TPTE2: variants seen among roughly 807,000 people sequenced by gnomAD.
TPTE2 encodes transmembrane phosphoinositide 3-phosphatase and tensin homolog 2, also known as phosphatidylinositol 3,4,5-trisphosphate 3-phosphatase TPTE2.
A neutral mutation model predicts 78.6 loss-of-function variants in TPTE2; 53 were observed. The ratio of observed to expected loss-of-function variants is 0.67; its 90% CI spans 0.54 to 0.85. The LOEUF is 0.85. Ranked by LOEUF, TPTE2 falls within the 40% of genes least tolerant of loss-of-function variation. TPTE2 has a pLI of 0.00. For synonymous variants in TPTE2, 175 were observed against 206.2 expected (o/e 0.85, Z 1.30); for missense variants, 461 against 623.0 (o/e 0.74, Z 2.77).
At chr13:19,444,201 G>C (rs1478637591) in intron 13 of TPTE2, among the ~76,000 whole-genome samples, 1 of 150,808 alleles carries the variant, frequency 6.6e-6, no homozygotes, top group Non-Finnish European at 1.5e-5. Context: ...AGCTACTCAA[G>C]AGGCTGATAT....
At chr13:19,477,642 C>T (rs572216764) in intron 4 of TPTE2, among the ~76,000 whole-genome samples, 2 of 152,310 alleles carry the variant, frequency 1.3e-5, no homozygotes, top group East Asian at 3.9e-4. Context: ...TCTGAACTCA[C>T]TTGACAATGT....
At chr13:19,495,001 T>C (rs1250161076) in intron 1 of TPTE2, among the ~76,000 whole-genome samples, 3 of 152,234 alleles carry the variant, frequency 2.0e-5, no homozygotes, top group African/African-American at 7.2e-5. Flanking sequence ...AACATAGTGA[T>C]GCATCCAGAT....
At chr13:19,473,233 C>T (rs1224657773) in intron 6 of TPTE2, among the ~76,000 whole-genome samples, 2 of 152,326 alleles carry the variant, frequency 1.3e-5, no homozygotes, top group East Asian at 3.9e-4. Flanking sequence ...TTGCTGAAGG[C>T]CCTGGGGCTC....
chr13:19,535,365 TC>T lies in TPTE2; in HGVS notation c.-44+1230del, dbSNP rs549273277. On this transcript the variant is annotated intron_variant, in intron 1 of 17. Coordinates refer to the TPTE2 transcript ENST00000390680. The surrounding 1 kb of genome is among the most constrained non-coding windows in gnomAD (Gnocchi z 5.1). ...GAGGTATCATCATCTTCCAAAGCTA[TC>T]TACAAAAAGGGACAATGTCATCACT... Among the ~76,000 whole-genome samples the T allele has an allele frequency of 8.1e-4, 123 of 152,064 alleles. No individual in the cohort carries two copies. The highest frequency in any genetic ancestry group is 2.8e-3 in the African/African-American group (115 of 41,524).
intron 2 of TPTE2, among the ~76,000 whole-genome samples, chr13:19,493,178 T>A (rs1453308669): frequency 1.7e-4 from 2 of 11,792 alleles, no homozygotes; most frequent in Non-Finnish European, 5.2e-4. Flanking sequence ...GAAACTCTGT[T>A]ACAAAAAAAA....
rs1398248696 is a variant in TPTE2, at chr13:19,482,359, C to T, written c.179+129G>A. ...TCAACTGGAGTAAATACGGTGTACC[C>T]TCCCACCATACATTTTGATATCTTT... is the stretch of plus-strand genomic sequence containing the variant. On this transcript the variant is annotated intron_variant, in intron 4 of 19. Coordinates refer to ENST00000400230, the Ensembl canonical transcript of TPTE2. 7 of 1,010,708 alleles carry T rather than the reference C, an allele frequency of 6.9e-6. No individual in the cohort carries two copies. The Admixed American group carries it at 1.6e-4, about 23-fold the overall frequency. The allele number at this position is 1,010,708 out of a possible 1,614,324, so 62.6% of individuals were successfully genotyped here. A position where few individuals can be genotyped will look rare whatever the true frequency, so the allele number is the denominator to read the frequency against.
At chr13:19,475,111 T>G (rs1010490422) in intron 5 of TPTE2, among the ~76,000 whole-genome samples, 3 of 152,210 alleles carry the variant, frequency 2.0e-5, no homozygotes, top group Non-Finnish European at 4.4e-5. Context: ...ACATGGCTAC[T>G]TAGCAACTGA....
Position 19,439,289 on chromosome 13 carries a change from C to T in TPTE2, c.974-1136G>A, listed in dbSNP as rs535934305. Among the ~76,000 whole-genome samples, 144 of 152,054 alleles carry T rather than the reference C, an allele frequency of 9.5e-4. 1 individual carries two copies. Among genetic ancestry groups the T allele is most frequent in the Middle Eastern group, 6.8e-3 (2 of 294 alleles). ...TTACCCATGGCGCCATCTACTGGCT[C>T]ATAGGTCAAACCACACACCCAATAT... is the stretch of plus-strand genomic sequence containing the variant. On this transcript the variant is annotated intron_variant, in intron 13 of 19. Transcript: ENST00000400230.
intron 13 of TPTE2, among the ~76,000 whole-genome samples, chr13:19,445,964 T>C (rs1467410238): frequency 6.6e-6 from 1 of 151,924 alleles, no homozygotes; most frequent in African/African-American, 2.4e-5. Context: ...AAAAACATAA[T>C]TTATCACAAT....
chr13:19,473,815 C>T (rs1162276839), intron 6 of TPTE2, 99 bp downstream of exon 9: 17 of 1,083,396 alleles, frequency 1.6e-5, no homozygotes, highest in East Asian at 1.4e-4. Flanking sequence ...AGGATTGTGT[C>T]GAACTCCTGA....
At chr13:19,514,654 A>C (rs1015421206) in intron 1 of TPTE2, among the ~76,000 whole-genome samples, 2 of 110,668 alleles carry the variant, frequency 1.8e-5, no homozygotes, top group African/African-American at 5.6e-5. Context: ...AGAGAGAGAA[A>C]GGACACAGAA....
At chr13:19,534,292 A>G (rs1871069720) in intron 1 of TPTE2, among the ~76,000 whole-genome samples, 1 of 152,202 alleles carries the variant, frequency 6.6e-6, no homozygotes, top group Admixed American at 6.5e-5. Flanking sequence ...GTTTCTACTG[A>G]ATGTGCATCA....
intron 14 of TPTE2, among the ~76,000 whole-genome samples, chr13:19,436,680 G>A (rs1267587047): frequency 6.6e-6 from 1 of 152,216 alleles, no homozygotes; most frequent in Non-Finnish European, 1.5e-5. Flanking sequence ...CTCCCAAAGT[G>A]CTGGGATTAC....
intron 13 of TPTE2, among the ~76,000 whole-genome samples, chr13:19,446,076 T>TA (rs576769824): frequency 1.9e-3 from 293 of 152,272 alleles, no homozygotes; most frequent in Middle Eastern, 3.4e-3. Flanking sequence ...AAAGACATGA[T>TA]AAAAAAAGTA....
chr13:19,434,314 A>C (rs1311255621), intron 15 of TPTE2, among the ~76,000 whole-genome samples: 1 of 152,238 alleles, frequency 6.6e-6, no homozygotes, highest in Non-Finnish European at 1.5e-5. Flanking sequence ...GAAAAGGGGC[A>C]TGAGCAATGG....
intron 1 of TPTE2, among the ~76,000 whole-genome samples, chr13:19,497,623 G>A (rs1245269689): frequency 4.1e-5 from 5 of 122,436 alleles, no homozygotes; most frequent in African/African-American, 7.9e-5. Context: ...CAAACAGAAA[G>A]GACATCCACA....
At chr13:19,503,360 T>G (rs1868749547), upstream of TPTE2, 1 of 1,407,814 alleles carries the variant, frequency 7.1e-7, no homozygotes, top group Non-Finnish European at 9.9e-7. Context: ...TTCATTACTC[T>G]GCACATAAAC....
the TPTE2 span, among the ~76,000 whole-genome samples, chr13:19,554,248 G>A: frequency 2.0e-5 from 3 of 151,936 alleles, no homozygotes; most frequent in Non-Finnish European, 4.4e-5. Flanking sequence ...GGTGGCAGGC[G>A]CCTGTAGTCC....
intron 5 of TPTE2, among the ~76,000 whole-genome samples, chr13:19,474,285 TTAA>T (rs1879809912): frequency 6.6e-6 from 1 of 152,156 alleles, no homozygotes; most frequent in South Asian, 2.1e-4. Flanking sequence ...GAAGCAGTTC[TTAA>T]TAAACAAAAT....
Sources: allele counts gnomAD v4.1 joint callset (sites outside exome capture counted in the v4.1 genomes callset), GRCh38; gene constraint gnomAD v4.1.1; non-coding constraint Gnocchi (gnomAD v3.1); transcripts MANE v1.5; gene names NCBI Gene and HGNC (gene_info 2026-07-23, HGNC 2026-07-21).